The following CCR3 variants were observed in gnomAD, a reference collection of about 807,000 sequenced individuals.
CCR3 encodes the protein C-C motif chemokine receptor 3, also known as C-C chemokine receptor type 3.
For synonymous variants in CCR3, 203 were observed against 179.2 expected (o/e 1.13, Z -1.06); for missense variants, 419 against 437.5 (o/e 0.96, Z 0.38).
chr3:46,233,212 G>A (rs1340364561), intron 2 of CCR3, among the ~76,000 whole-genome samples: 2 of 152,190 alleles, frequency 1.3e-5, no homozygotes, highest in Admixed American at 1.3e-4. Flanking sequence ...GATTGCCAAC[G>A]TGCTAGAGAG....
intron 2 of CCR3, among the ~76,000 whole-genome samples, chr3:46,211,237 C>T (rs1336942552): frequency 2.7e-5 from 4 of 147,524 alleles, no homozygotes; most frequent in Non-Finnish European, 5.9e-5. Context: ...CTTGCTCTGT[C>T]GCCCAGGCTG....
chr3:46,238,254 T>A (rs199840963), upstream of CCR3, among the ~76,000 whole-genome samples: 7 of 150,736 alleles, frequency 4.6e-5, no homozygotes, highest in East Asian at 3.9e-4. Context: ...ATTGTCAATT[T>A]AAAAAAAAAA....
At chr3:46,239,457 C>T (rs2125926352), upstream of CCR3, among the ~76,000 whole-genome samples, 1 of 152,286 alleles carries the variant, frequency 6.6e-6, no homozygotes, top group East Asian at 1.9e-4. Flanking sequence ...GCCAAAATTT[C>T]CACTGTAGAT....
At position 46,265,525 on chromosome 3, in the gene CCR3, T is replaced by C. The variant is rs1453672882; in HGVS notation, c.367T>C (p.Phe123Leu). 3.1e-6 allele frequency: 5 copies of C among 1,614,052 alleles called. No homozygotes were observed. In the Admixed American group the frequency reaches 6.7e-5, roughly 22 times the overall value. Residue 123 changes from phenylalanine to leucine, a missense_variant, in exon 2 of 2, where the codon TTC becomes CTC. By Grantham distance (22) the Phe-to-Leu change is conservative. Coordinates refer to ENST00000395940, the MANE Select transcript of CCR3 (RefSeq NM_178329.3). ...CACAGGCTTGTACAGCGAGATCTTT[T>C]TCATAATCCTGCTGACAATCGACAG... ...YHTGLYSEIF[F>L]IILLTIDRYL...
At chr3:46,225,615 T>G (rs1247811504) in intron 2 of CCR3, among the ~76,000 whole-genome samples, 2 of 152,246 alleles carry the variant, frequency 1.3e-5, no homozygotes, top group Admixed American at 1.3e-4. Flanking sequence ...CTGATAGGTA[T>G]GTAGTAACAT....
chr3:46,253,529 A>G (rs1474657066), intron 1 of CCR3, among the ~76,000 whole-genome samples: 1 of 152,118 alleles, frequency 6.6e-6, no homozygotes, highest in Non-Finnish European at 1.5e-5. Context: ...TGAGCCCTGG[A>G]CATATTTGGA....
chr3:46,228,275 T>C (rs1049976419), intron 2 of CCR3, among the ~76,000 whole-genome samples: 3 of 152,070 alleles, frequency 2.0e-5, no homozygotes, highest in African/African-American at 7.2e-5. Context: ...ACTCTCTCTA[T>C]CCCTGTTGTT....
At chr3:46,264,433 A>G (rs1012059403) in intron 1 of CCR3, 13 of 1,530,044 alleles carry the variant, frequency 8.5e-6, no homozygotes, top group African/African-American at 5.5e-5. Flanking sequence ...TGCTGTTAAG[A>G]GCACACAAGC....
chr3:46,264,436 A>G (rs1470719441), intron 1 of CCR3: 1 of 1,528,294 alleles, frequency 6.5e-7, no homozygotes, highest in Non-Finnish European at 8.7e-7. Context: ...TGTTAAGAGC[A>G]CACAAGCCAG....
At chr3:46,246,852 G>T (rs1487753966) in intron 1 of CCR3, among the ~76,000 whole-genome samples, 1 of 152,130 alleles carries the variant, frequency 6.6e-6, no homozygotes, top group Non-Finnish European at 1.5e-5. Flanking sequence ...CTTCAAGCGG[G>T]ATTAGGGGCG....
At chr3:46,241,848 G>A (rs1700089960), upstream of CCR3, among the ~76,000 whole-genome samples, 1 of 152,040 alleles carries the variant, frequency 6.6e-6, no homozygotes, top group Non-Finnish European at 1.5e-5. Context: ...CTCCCGATGA[G>A]TCAAATCAAT....
At chr3:46,211,342 G>A (rs1183658539) in intron 2 of CCR3, among the ~76,000 whole-genome samples, 1 of 150,956 alleles carries the variant, frequency 6.6e-6, no homozygotes, top group African/African-American at 2.4e-5. Flanking sequence ...GGAACCACAG[G>A]TGCATGGCAC....
intron 2 of CCR3, among the ~76,000 whole-genome samples, chr3:46,231,949 C>A (rs1699969842): frequency 6.6e-6 from 1 of 152,156 alleles, no homozygotes; most frequent in African/African-American, 2.4e-5. Flanking sequence ...GAAATAAGAA[C>A]TTCACATATT....
At chr3:46,260,108 A>C (rs1191874081) in intron 1 of CCR3, among the ~76,000 whole-genome samples, 2 of 152,196 alleles carry the variant, frequency 1.3e-5, no homozygotes, top group African/African-American at 4.8e-5. Context: ...CGTGAGACTC[A>C]TTCACTATCA....
chr3:46,239,436 G>A (rs1700056448), upstream of CCR3, among the ~76,000 whole-genome samples: 2 of 152,268 alleles, frequency 1.3e-5, no homozygotes, highest in African/African-American at 4.8e-5. Context: ...CCTACCATGT[G>A]CTTCATCTTA....
At chr3:46,239,550 TA>T (rs1291772144), upstream of CCR3, among the ~76,000 whole-genome samples, 1 of 152,224 alleles carries the variant, frequency 6.6e-6, no homozygotes, top group Non-Finnish European at 1.5e-5. Flanking sequence ...TGTGTGGTGC[TA>T]AATCCCAGGT....
chr3:46,257,855 A>G (rs944024779), intron 1 of CCR3, among the ~76,000 whole-genome samples: 2 of 152,236 alleles, frequency 1.3e-5, no homozygotes, highest in African/African-American at 4.8e-5. Context: ...CCTCAGAAAC[A>G]GAGAAGCCAA....
chr3:46,226,533 T>G (rs1014882676), intron 2 of CCR3, among the ~76,000 whole-genome samples: 1 of 152,208 alleles, frequency 6.6e-6, no homozygotes, highest in Non-Finnish European at 1.5e-5. Flanking sequence ...TTCCTGGTTT[T>G]GTTCCTGCAA....
intron 2 of CCR3, among the ~76,000 whole-genome samples, chr3:46,227,218 T>A (rs1410359587): frequency 6.6e-6 from 1 of 152,136 alleles, no homozygotes; most frequent in Non-Finnish European, 1.5e-5. Context: ...TCATAGATAT[T>A]TTATCTATGT....
Sources: gnomAD v4.1 joint callset for allele counts (sites outside exome capture counted in the v4.1 genomes callset) on GRCh38, gnomAD v4.1.1 for gene constraint, MANE v1.5 for transcripts, NCBI Gene and HGNC (gene_info 2026-07-23, HGNC 2026-07-21) for gene names.